The following FGGY variants were observed in gnomAD, a reference collection of about 807,000 sequenced individuals.
FGGY encodes the protein FGGY carbohydrate kinase domain-containing protein.
FGGY carries 72 observed loss-of-function variants against 71.3 expected under a neutral mutation model. The observed-to-expected ratio is 1.01, with a 90% confidence interval of 0.84 to 1.23. The LOEUF is 1.23. Among genes scored for constraint, FGGY ranks in the 50% most tolerant of loss-of-function variants. The pLI, the probability that FGGY is intolerant of heterozygous loss-of-function variation, is 0.00. For synonymous variants in FGGY, 251 were observed against 250.3 expected (o/e 1.00, Z -0.02); for missense variants, 668 against 682.3 (o/e 0.98, Z 0.23).
intron 7 of FGGY, among the ~76,000 whole-genome samples, chr1:59,515,701 C>T (rs1035452408): frequency 6.6e-5 from 10 of 152,142 alleles, no homozygotes; most frequent in Admixed American, 5.9e-4. Context: ...GGCTTTTCTG[C>T]GTTTGCTTCT....
intron 7 of FGGY, among the ~76,000 whole-genome samples, chr1:59,541,021 T>A (rs553199021): frequency 2.2e-4 from 33 of 152,300 alleles, no homozygotes; most frequent in African/African-American, 7.9e-4. Context: ...CAATCCATGT[T>A]AGTGATAGTG....
intron 6 of FGGY, among the ~76,000 whole-genome samples, chr1:59,471,972 G>C (rs1247652221): frequency 6.6e-6 from 1 of 152,258 alleles, no homozygotes; most frequent in African/African-American, 2.4e-5. Flanking sequence ...CGTGCTGGCA[G>C]TCCTCACAGC....
At chr1:59,344,817 A>G (rs777890175) in intron 3 of FGGY, among the ~76,000 whole-genome samples, 1 of 152,204 alleles carries the variant, frequency 6.6e-6, no homozygotes, top group Non-Finnish European at 1.5e-5. Flanking sequence ...TACAGATGCA[A>G]CCATCCATTT....
At chr1:59,406,008 A>T (rs928164246) in intron 5 of FGGY, among the ~76,000 whole-genome samples, 1 of 151,936 alleles carries the variant, frequency 6.6e-6, no homozygotes, top group Non-Finnish European at 1.5e-5. Flanking sequence ...GAACAATAAG[A>T]TAGAAAAGAA....
At chr1:59,481,282 A>G (rs1293182528) in intron 6 of FGGY, among the ~76,000 whole-genome samples, 1 of 152,190 alleles carries the variant, frequency 6.6e-6, no homozygotes, top group Non-Finnish European at 1.5e-5. Flanking sequence ...GTTAGTACTT[A>G]GAAAGAAACA....
chr1:59,509,379 C>T (rs1398630791), intron 6 of FGGY, among the ~76,000 whole-genome samples: 2 of 152,214 alleles, frequency 1.3e-5, no homozygotes, highest in Non-Finnish European at 2.9e-5. Context: ...TGCTATAATA[C>T]TGCCAGAGAG....
intron 11 of FGGY, among the ~76,000 whole-genome samples, chr1:59,641,641 A>G (rs1357600530): frequency 1.3e-5 from 2 of 152,238 alleles, no homozygotes; most frequent in Non-Finnish European, 2.9e-5. Context: ...GCAAACCCTG[A>G]TGCAGCCTTT....
At chr1:59,399,902 T>G (rs1337908097) in intron 5 of FGGY, among the ~76,000 whole-genome samples, 1 of 152,172 alleles carries the variant, frequency 6.6e-6, no homozygotes, top group Non-Finnish European at 1.5e-5. Context: ...CTGGGTGCTT[T>G]GTAAGGAACA....
At chr1:59,669,577 T>C (rs180683775) in intron 13 of FGGY, among the ~76,000 whole-genome samples, 4,742 of 125,126 alleles carry the variant, frequency 0.038, 118 homozygotes, top group Non-Finnish European at 0.053. Flanking sequence ...TATTTTTTGG[T>C]AGAGACAGGG....
At chr1:59,303,573 CT>C in intron 1 of FGGY, among the ~76,000 whole-genome samples, 1 of 152,210 alleles carries the variant, frequency 6.6e-6, no homozygotes, top group Non-Finnish European at 1.5e-5. Flanking sequence ...GGGAGTACAG[CT>C]ATTACACCAA....
chr1:59,643,931 G>C (rs141567876), intron 11 of FGGY, among the ~76,000 whole-genome samples: 1 of 152,300 alleles, frequency 6.6e-6, no homozygotes, highest in Non-Finnish European at 1.5e-5. Context: ...TGCCTTTTAG[G>C]ATGCAAACTC....
intron 14 of FGGY, among the ~76,000 whole-genome samples, chr1:59,692,634 CA>C (rs60192053): frequency 0.27 from 24,792 of 90,760 alleles, 1,950 homozygotes; most frequent in Admixed American, 0.41. Context: ...GATGAGAGGA[CA>C]AAAAAAAAAA....
chr1:59,695,436 C>G (rs2097649004), intron 14 of FGGY, among the ~76,000 whole-genome samples: 1 of 152,184 alleles, frequency 6.6e-6, no homozygotes, highest in Non-Finnish European at 1.5e-5. Context: ...CCATGCATTC[C>G]ATGTTGTATC....
chr1:59,466,834 A>T (rs892415849), intron 6 of FGGY, among the ~76,000 whole-genome samples: 3 of 152,192 alleles, frequency 2.0e-5, no homozygotes, highest in Non-Finnish European at 4.4e-5. Context: ...TAGAATGGTG[A>T]TCATTAAACA....
chr1:59,697,517 C>G (rs1044845939), intron 14 of FGGY: 3 of 445,708 alleles, frequency 6.7e-6, no homozygotes, highest in Non-Finnish European at 1.3e-5. Context: ...TGCTGTAGCA[C>G]GTATCAGAAT....
intron 14 of FGGY, among the ~76,000 whole-genome samples, chr1:59,743,858 C>T (rs2098170995): frequency 6.6e-6 from 1 of 152,240 alleles, no homozygotes. Context: ...TGTTCATCTT[C>T]CTTCCCTTCA....
chr1:59,464,540 A>C (rs2092481149), intron 6 of FGGY, among the ~76,000 whole-genome samples: 1 of 152,194 alleles, frequency 6.6e-6, no homozygotes, highest in Non-Finnish European at 1.5e-5. Flanking sequence ...AGATAGAGAC[A>C]CACACACAAA....
chr1:59,698,364 C>G (rs969345467), intron 14 of FGGY, among the ~76,000 whole-genome samples: 24 of 152,168 alleles, frequency 1.6e-4, no homozygotes, highest in African/African-American at 5.8e-4. Flanking sequence ...CCATGCCCAC[C>G]CCGCAGTTCC....
chr1:59,702,878 C>T (rs1022663890), intron 14 of FGGY, among the ~76,000 whole-genome samples: 5 of 152,148 alleles, frequency 3.3e-5, no homozygotes, highest in Admixed American at 3.3e-4. Flanking sequence ...TCCTGGGGCA[C>T]TCAATCCTCC....
Sources: allele counts gnomAD v4.1 joint callset (sites outside exome capture counted in the v4.1 genomes callset), GRCh38; gene constraint gnomAD v4.1.1; transcripts MANE v1.5; gene names NCBI Gene and HGNC (gene_info 2026-07-23, HGNC 2026-07-21).